The following COMMD10 variants were observed in gnomAD, a reference collection of about 807,000 sequenced individuals.
COMMD10 encodes COMM domain containing 10, also known as COMM domain-containing protein 10.
A neutral mutation model predicts 28.9 loss-of-function variants in COMMD10; 33 were observed. The ratio of observed to expected loss-of-function variants is 1.14; its 90% CI spans 0.87 to 1.53. COMMD10 has a LOEUF of 1.53. Ranked by LOEUF, COMMD10 falls within the 40% of genes most tolerant of loss-of-function variation. The pLI, the probability that COMMD10 is intolerant of heterozygous loss-of-function variation, is 0.00. For missense variants in COMMD10, 310 were observed against 233.4 expected, an observed-to-expected ratio of 1.33 and a Z score of -2.14; for synonymous variants, 110 against 81.7, an observed-to-expected ratio of 1.35 and a Z score of -1.87.
intron 5 of COMMD10, among the ~76,000 whole-genome samples, chr5:116,284,798 C>A (rs1751175222): frequency 6.6e-6 from 1 of 151,686 alleles, no homozygotes; most frequent in East Asian, 1.9e-4. Context: ...GACTCATAGG[C>A]CAGAAGTATA....
chr5:116,228,334 A>C (rs1053025160), intron 5 of COMMD10, among the ~76,000 whole-genome samples: 6 of 151,982 alleles, frequency 3.9e-5, no homozygotes, highest in Admixed American at 1.3e-4. Flanking sequence ...TCTAGGCTAG[A>C]ATTTTAAAAT....
chr5:116,102,723 T>C (rs1456292509), intron 4 of COMMD10, among the ~76,000 whole-genome samples: 1 of 152,176 alleles, frequency 6.6e-6, no homozygotes, highest in East Asian at 1.9e-4. Flanking sequence ...ATGTGCAGGT[T>C]TGTTACATAG....
intron 5 of COMMD10, among the ~76,000 whole-genome samples, chr5:116,168,249 C>G (rs981298516): frequency 1.3e-5 from 2 of 150,692 alleles, no homozygotes; most frequent in African/African-American, 4.9e-5. Flanking sequence ...AAGGGCATTA[C>G]ATAATGATAA....
chr5:116,161,945 C>T (rs991810127), intron 5 of COMMD10, among the ~76,000 whole-genome samples: 1 of 152,182 alleles, frequency 6.6e-6, no homozygotes, highest in African/African-American at 2.4e-5. Context: ...CTAGTTACAG[C>T]ATGGTCTTTT....
intron 5 of COMMD10, among the ~76,000 whole-genome samples, chr5:116,147,941 C>G (rs529652462): frequency 6.6e-6 from 1 of 151,882 alleles, no homozygotes; most frequent in East Asian, 1.9e-4. Flanking sequence ...TAAACAACAT[C>G]TTTTATTGTC....
chr5:116,109,421 C>T (rs896233742), intron 4 of COMMD10, among the ~76,000 whole-genome samples: 2 of 152,128 alleles, frequency 1.3e-5, no homozygotes, highest in African/African-American at 2.4e-5. Context: ...TGGTGAAACA[C>T]CATCTCTACT....
At chr5:116,273,618 A>G (rs1750816107) in intron 5 of COMMD10, among the ~76,000 whole-genome samples, 1 of 151,834 alleles carries the variant, frequency 6.6e-6, no homozygotes, top group South Asian at 2.1e-4. Flanking sequence ...ACATTAACAG[A>G]TACAAAACAT....
intron 5 of COMMD10, among the ~76,000 whole-genome samples, chr5:116,161,623 G>C (rs1561640255): frequency 2.0e-5 from 3 of 152,062 alleles, no homozygotes; most frequent in Non-Finnish European, 4.4e-5. Context: ...GAGTAAGTTA[G>C]AGAAAAGAAA....
At chr5:116,209,104 G>C (rs897500850) in intron 5 of COMMD10, among the ~76,000 whole-genome samples, 1 of 151,724 alleles carries the variant, frequency 6.6e-6, no homozygotes, top group Non-Finnish European at 1.5e-5. Flanking sequence ...CTTTTAAAGC[G>C]ATACGTTTAG....
At chr5:116,258,155 C>T (rs1318838366) in intron 5 of COMMD10, among the ~76,000 whole-genome samples, 1 of 151,566 alleles carries the variant, frequency 6.6e-6, no homozygotes, top group African/African-American at 2.4e-5. Context: ...TGGACATCTA[C>T]TTGTATAAAG....
chr5:116,125,964 G>T (rs186214589), intron 4 of COMMD10, among the ~76,000 whole-genome samples: 158 of 152,242 alleles, frequency 1.0e-3, no homozygotes, highest in African/African-American at 3.5e-3. Context: ...AGGGTATTCA[G>T]TTAGGAAAAG....
intron 5 of COMMD10, among the ~76,000 whole-genome samples, chr5:116,244,271 C>A (rs1157897328): frequency 6.6e-6 from 1 of 151,980 alleles, no homozygotes; most frequent in Non-Finnish European, 1.5e-5. Flanking sequence ...TTGATTCCCA[C>A]TGGACACAAC....
chr5:116,249,649 G>A (rs1750053541), intron 5 of COMMD10, among the ~76,000 whole-genome samples: 1 of 151,892 alleles, frequency 6.6e-6, no homozygotes, highest in Non-Finnish European at 1.5e-5. Flanking sequence ...GCACGACTGT[G>A]ATGGTCAATG....
chr5:116,219,737 AG>A (rs1224015864), intron 5 of COMMD10, among the ~76,000 whole-genome samples: 1 of 152,216 alleles, frequency 6.6e-6, no homozygotes, highest in Non-Finnish European at 1.5e-5. Context: ...CAGCAGCCAT[AG>A]GTAACTAATG....
chr5:116,258,071 ATATGAG>A, intron 5 of COMMD10, among the ~76,000 whole-genome samples: 1 of 151,974 alleles, frequency 6.6e-6, no homozygotes, highest in Non-Finnish European at 1.5e-5. Context: ...AGATCTACAA[ATATGAG>A]TATATTTGAA....
At chr5:116,151,634 T>C (rs1461320939) in intron 5 of COMMD10, among the ~76,000 whole-genome samples, 1 of 152,216 alleles carries the variant, frequency 6.6e-6, no homozygotes, top group Non-Finnish European at 1.5e-5. Context: ...CATTTTCTAG[T>C]TTATTTGCAT....
At chr5:116,108,532 C>T (rs191387992) in intron 4 of COMMD10, among the ~76,000 whole-genome samples, 1 of 152,374 alleles carries the variant, frequency 6.6e-6, no homozygotes, top group East Asian at 1.9e-4. Flanking sequence ...ATGGCGGACG[C>T]CTGTCCCTCC....
chr5:116,273,239 G>A (rs1018070024), intron 5 of COMMD10, among the ~76,000 whole-genome samples: 8 of 151,758 alleles, frequency 5.3e-5, no homozygotes, highest in African/African-American at 1.9e-4. Flanking sequence ...TGAAATCCAT[G>A]CATAGTTTTT....
chr5:116,155,674 G>C (rs1752682589), intron 5 of COMMD10, among the ~76,000 whole-genome samples: 1 of 151,918 alleles, frequency 6.6e-6, no homozygotes, highest in African/African-American at 2.4e-5. Flanking sequence ...TAACATAGTT[G>C]TTTTTTCCCC....
Sources: allele counts gnomAD v4.1 joint callset (sites outside exome capture counted in the v4.1 genomes callset), GRCh38; gene constraint gnomAD v4.1.1; transcripts MANE v1.5; gene names NCBI Gene and HGNC (gene_info 2026-07-23, HGNC 2026-07-21).